Variants in FMNL3 observed in about 807,000 individuals in gnomAD.
The protein encoded by FMNL3 is formin like 3.
FMNL3 carries 57 observed loss-of-function variants against 119.6 expected under a neutral mutation model. The ratio of observed to expected loss-of-function variants is 0.48; its 90% confidence interval spans 0.39 to 0.59. The LOEUF is 0.59. FMNL3 is among the 20% of genes least tolerant of loss of function. The pLI is 0.00. For missense variants in FMNL3, 1,053 were observed against 1,323.5 expected (o/e 0.80, Z 3.17); for synonymous variants, 491 against 507.3 (o/e 0.97, Z 0.43).
intron 1 of FMNL3, among the ~76,000 whole-genome samples, chr12:49,676,263 A>G (rs899823153): frequency 6.6e-6 from 1 of 152,194 alleles, no homozygotes; most frequent in Non-Finnish European, 1.5e-5. Context: ...AGGTATGGCT[A>G]TGTGATCATG....
Position 49,649,294 on chromosome 12 carries a change from C to T in FMNL3, c.2350G>A (p.Ala784Thr). Residue 784 changes from alanine to threonine, a missense_variant, in exon 20 of 26, where the codon GCT becomes ACT. By Grantham distance (58) the Ala-to-Thr change is moderately conservative. This residue lies in a region of FMNL3 where 324 missense variants were observed against 380.9 expected (regional missense o/e 0.85). Coordinates refer to ENST00000335154, the MANE Select transcript of FMNL3 (RefSeq NM_175736.5). The surrounding 1 kb of genome is among the most constrained non-coding windows in gnomAD (Gnocchi z 5.6). Reference sequence around the variant, plus strand: ...CTCTGGAGCTTGAAGCCATACACAGCTCCCCGCTTGCTGCTGTTCATGTAG... The same window carrying T: ...CTCTGGAGCTTGAAGCCATACACAGTTCCCCGCTTGCTGCTGTTCATGTAG... ...GNYMNSSKRGAVYGFKLQSLD... is the reference protein window; with the variant it reads ...GNYMNSSKRGTVYGFKLQSLD... The T allele has an allele frequency of 6.2e-7, 1 of 1,614,208 alleles. No homozygotes were observed. Among genetic ancestry groups the T allele is most frequent in the Non-Finnish European group, 8.5e-7 (1 of 1,180,048 alleles).
Position 49,642,974 on chromosome 12 carries a change from G to T in FMNL3, c.*2841C>A. On this transcript the variant is annotated 3_prime_UTR_variant, in exon 26 of 26. Transcript: ENST00000335154. The surrounding 1 kb of genome is among the most constrained non-coding windows in gnomAD (Gnocchi z 5.8). Reference sequence around the variant, plus strand: ...ACACCAAAGGCCGAAAGCATGGCAGGAAAGGCAAGAAGCACCATCACAAGC... The same window carrying T: ...ACACCAAAGGCCGAAAGCATGGCAGTAAAGGCAAGAAGCACCATCACAAGC... 1 of 1,613,886 alleles carries T rather than the reference G, an allele frequency of 6.2e-7. No individual in the cohort carries two copies. Among genetic ancestry groups the T allele is most frequent in the South Asian group, 1.1e-5 (1 of 91,026 alleles).
At position 49,668,502 on chromosome 12, in the gene FMNL3, T is replaced by C. The variant is rs774844577; in HGVS notation, c.179A>G (p.Asn60Ser). 51 of 1,614,066 alleles carry C rather than the reference T, an allele frequency of 3.2e-5. No homozygotes were observed. The highest frequency in any genetic ancestry group is 5.0e-5 in the Admixed American group (3 of 60,002). Residue 60 changes from asparagine to serine, a missense_variant, in exon 2 of 26, where the codon AAT (asparagine) becomes AGT (serine). Transcript: ENST00000335154. ...DKARLLRQYD[N>S]EKKWDLICDQ... is the part of the protein sequence containing the mutation. ...ACAGATCAGATCCCATTTCTTCTCA[T>C]TGTCATACTGCCGCAGGAGCCGGGC...
At chr12:49,656,338 C>G in intron 9 of FMNL3, 66 bp downstream of exon 9, 1 of 1,326,772 alleles carries the variant, frequency 7.5e-7, no homozygotes, top group South Asian at 1.3e-5. Flanking sequence ...ATGGTGCTTA[C>G]CAACCTAGCT....
chr12:49,667,389 T>C (rs1325206967), intron 2 of FMNL3, among the ~76,000 whole-genome samples: 2 of 152,238 alleles, frequency 1.3e-5, no homozygotes, highest in Non-Finnish European at 2.9e-5. Flanking sequence ...AAGCAGGTGC[T>C]AACCAACTCC....
At chr12:49,676,847 T>C (rs1282819714) in intron 1 of FMNL3, among the ~76,000 whole-genome samples, 1 of 152,208 alleles carries the variant, frequency 6.6e-6, no homozygotes, top group East Asian at 1.9e-4. Flanking sequence ...CTTTTCATTC[T>C]GAGTTTCAAC....
In FMNL3 at chr12:49,647,247, T is replaced by G; in HGVS notation, c.2871+29A>C. 6 of 1,612,612 alleles carry G rather than the reference T, an allele frequency of 3.7e-6. No homozygotes were observed. Among genetic ancestry groups the G allele is most frequent in the Non-Finnish European group, 5.1e-6 (6 of 1,178,814 alleles). On this transcript the variant is annotated intron_variant, in intron 24 of 25. Transcript: ENST00000335154. This position sits in a 1 kb window ranked among gnomAD's most constrained non-coding sequence, Gnocchi z 4.9. ...CCCCCACTCTTTTGCCTTGTCGTCC[T>G]CCAGGCCCCAGCTCTTGGTCCCACC... is the stretch of plus-strand genomic sequence containing the variant.
Position 49,707,087 on chromosome 12 carries a change from A to T in FMNL3, c.94T>A (p.Cys32Ser). The T allele has an allele frequency of 1.3e-6, 2 of 1,598,332 alleles. No individual in the cohort carries two copies. The highest frequency in any genetic ancestry group is 1.7e-6 in the Non-Finnish European group (2 of 1,173,896). Residue 32 changes from cysteine (C) to serine (S), a missense_variant, in exon 1 of 26, where the codon TGT becomes AGT. By Grantham distance (112) the Cys-to-Ser change is moderately radical. Coordinates refer to ENST00000335154, the MANE Select transcript of FMNL3 (RefSeq NM_175736.5). The part of the protein sequence containing the change: ...PPGKMPMPEP[C>S]ELEERFALVL... ...AGGGCGAACCTTTCCTCCAGCTCAC[A>T]GGGCTCAGGCATCGGCATCTTGCCG... is the stretch of plus-strand genomic sequence containing the variant.
intron 25 of FMNL3, 183 bp downstream of exon 25, chr12:49,646,703 A>G: frequency 6.5e-7 from 1 of 1,540,752 alleles, no homozygotes; most frequent in Non-Finnish European, 8.7e-7. Context: ...TCACAGAAGA[A>G]GCGTGAGCCC....
At chr12:49,687,070 A>T (rs1208831098) in intron 1 of FMNL3, among the ~76,000 whole-genome samples, 1 of 149,868 alleles carries the variant, frequency 6.7e-6, no homozygotes, top group Admixed American at 6.6e-5. Flanking sequence ...TAATCTTATC[A>T]TCTTATCTAA....
chr12:49,703,115 A>G (rs1944953560), intron 1 of FMNL3, among the ~76,000 whole-genome samples: 1 of 152,216 alleles, frequency 6.6e-6, no homozygotes, highest in Non-Finnish European at 1.5e-5. Context: ...AGGGATATAC[A>G]GGGCTTTTTC....
intron 1 of FMNL3, among the ~76,000 whole-genome samples, chr12:49,706,283 G>C (rs1052284807): frequency 1.3e-5 from 2 of 152,074 alleles, no homozygotes; most frequent in Admixed American, 1.3e-4. Flanking sequence ...CAGACCGTTT[G>C]AAACCCACAG....
chr12:49,686,353 A>G (rs1438002551), intron 1 of FMNL3, among the ~76,000 whole-genome samples: 1 of 151,630 alleles, frequency 6.6e-6, no homozygotes, highest in African/African-American at 2.4e-5. Flanking sequence ...AGGCCGACGC[A>G]GGCGGATCAC....
In FMNL3 at chr12:49,665,851, G is replaced by T. The variant is rs1565879718; in HGVS notation, c.349C>A (p.Leu117Ile). Reference protein sequence around the residue: ...TKVLRELEISLRTNHIGWVRE... With the variant: ...TKVLRELEISIRTNHIGWVRE... The stretch of plus-strand genomic sequence containing the variant: ...ACTCACCCAATGTGGTTGGTGCGAA[G>T]AGAGATCTCCAGCTCCCTTAGTACT... The change falls in exon 4 of 26, where the codon CTT (leucine) becomes ATT (isoleucine). Residue 117 changes from leucine to isoleucine, a missense_variant. Leu to Ile is a conservative substitution (Grantham distance 5, BLOSUM62 2). Around this residue, in one of 4 missense-constraint regions of FMNL3, gnomAD observed 264 missense variants for 265.5 expected, o/e 0.99. Transcript: ENST00000335154. 6 of 1,614,192 alleles carry T rather than the reference G, an allele frequency of 3.7e-6. No individual in the cohort carries two copies. The highest frequency in any genetic ancestry group is 5.1e-6 in the Non-Finnish European group (6 of 1,180,028).
In FMNL3 at chr12:49,667,154, T is replaced by A. The variant is rs550728080; in HGVS notation, c.211-947A>T. 5.9e-5 allele frequency among the ~76,000 whole-genome samples: 9 copies of A among 152,152 alleles called. No individual in the cohort carries two copies. The South Asian group carries it at 1.7e-3, about 28-fold the overall frequency. ...AAACTCAGGGAGTACCCCTTAGCAT[T>A]CTGGTCCTATTAGAGCTGCCACCAC... On this transcript the variant is annotated intron_variant, in intron 2 of 25. Transcript: ENST00000335154.
chr12:49,654,850 G>A (rs1248844490), intron 10 of FMNL3, 60 bp downstream of exon 10: 24 of 1,529,072 alleles, frequency 1.6e-5, no homozygotes, highest in Non-Finnish European at 2.0e-5. Flanking sequence ...CACCCCTGTT[G>A]TCAAGGAACA....
At chr12:49,651,800 T>C in intron 14 of FMNL3, 133 bp downstream of exon 14, 1 of 1,423,546 alleles carries the variant, frequency 7.0e-7, no homozygotes, top group Non-Finnish European at 9.3e-7. Context: ...TCCCTCACCC[T>C]GATTTTATAT....
chr12:49,678,011 C>T (rs141867507), intron 1 of FMNL3, among the ~76,000 whole-genome samples: 1,622 of 152,112 alleles, frequency 0.011, 33 homozygotes, highest in Non-Finnish European at 0.011. Flanking sequence ...TACACACATC[C>T]GCCACCATAC....
Position 49,643,458 on chromosome 12 carries a change from C to T in FMNL3, c.*2357G>A. Reference sequence around the variant, plus strand: ...TGTTGTCCCAGACTGAGAGGATGCCCTCCACAAGCCCCAGCTCCTTTGAGG... The same window carrying T: ...TGTTGTCCCAGACTGAGAGGATGCCTTCCACAAGCCCCAGCTCCTTTGAGG... On this transcript the variant is annotated 3_prime_UTR_variant, in exon 26 of 26. Coordinates refer to ENST00000335154, the MANE Select transcript of FMNL3 (RefSeq NM_175736.5). 1 of 1,511,566 alleles carries T rather than the reference C, an allele frequency of 6.6e-7. No individual in the cohort carries two copies. Among genetic ancestry groups the T allele is most frequent in the African/African-American group, 1.4e-5 (1 of 71,606 alleles). The allele number at this position is 1,511,566 out of a possible 1,614,324, so 93.6% of individuals were successfully genotyped here. A position where few individuals can be genotyped will look rare whatever the true frequency, so the allele number is the denominator to read the frequency against.
Sources: gnomAD v4.1 joint callset for allele counts (sites outside exome capture counted in the v4.1 genomes callset) on GRCh38, gnomAD v4.1.1 for gene constraint, gnomAD v4.1.1 regional missense constraint, Gnocchi (gnomAD v3.1) non-coding constraint, MANE v1.5 for transcripts, NCBI Gene and HGNC (gene_info 2026-07-23, HGNC 2026-07-21) for gene names.